Variants in RIMS1 observed in about 807,000 individuals in gnomAD.
The protein encoded by RIMS1 is regulating synaptic membrane exocytosis 1.
RIMS1 carries 83 observed loss-of-function variants against 214.1 expected under a neutral mutation model. That is an observed-to-expected ratio of 0.39 (90% CI 0.32 to 0.47). The LOEUF is 0.47. RIMS1 is among the 20% of genes least tolerant of loss of function. The probability of loss-of-function intolerance (pLI) is 0.99; values close to 1 mark genes in which losing one functional copy is unlikely to be tolerated. For missense variants in RIMS1, 2,050 were observed against 2,161.8 expected (o/e 0.95, Z 1.03); for synonymous variants, 793 against 786.8 (o/e 1.01, Z -0.13).
intron 1 of RIMS1, among the ~76,000 whole-genome samples, chr6:71,921,223 C>T (rs1330277575): frequency 2.0e-5 from 3 of 152,136 alleles, no homozygotes; most frequent in African/African-American, 7.2e-5. Context: ...CAGGTTCAAG[C>T]AATTCTCCTG....
At chr6:72,387,112 A>G (rs117720643) in intron 29 of RIMS1, among the ~76,000 whole-genome samples, 3,366 of 152,074 alleles carry the variant, frequency 0.022, 55 homozygotes, top group South Asian at 0.039. Flanking sequence ...ATCCATCCAT[A>G]TATCTCCAGC....
At chr6:72,306,126 A>T (rs775947980) in intron 26 of RIMS1, among the ~76,000 whole-genome samples, 1 of 152,122 alleles carries the variant, frequency 6.6e-6, no homozygotes, top group Non-Finnish European at 1.5e-5. Context: ...TAAGAGATAA[A>T]ATCAGCAGCC....
intron 4 of RIMS1, among the ~76,000 whole-genome samples, chr6:72,125,896 G>A (rs1434273275): frequency 2.0e-5 from 3 of 152,146 alleles, no homozygotes; most frequent in Non-Finnish European, 2.9e-5. Context: ...CATCTGTCAC[G>A]GCTTCCCTTG....
chr6:72,316,563 G>T, intron 28 of RIMS1: 1 of 395,562 alleles, frequency 2.5e-6, no homozygotes, highest in Non-Finnish European at 4.9e-6. Flanking sequence ...GGGATGGGAG[G>T]TGGAGGGAGG....
chr6:71,950,598 T>G (rs1789161844), intron 1 of RIMS1, among the ~76,000 whole-genome samples: 3 of 152,192 alleles, frequency 2.0e-5, no homozygotes, highest in Admixed American at 2.0e-4. Flanking sequence ...AGAACAACCT[T>G]TAGGAAACCT....
intron 4 of RIMS1, among the ~76,000 whole-genome samples, 176 bp downstream of exon 4, chr6:72,100,162 G>A (rs573978496): frequency 6.6e-6 from 1 of 152,118 alleles, no homozygotes; most frequent in East Asian, 1.9e-4. Flanking sequence ...TACAGAGTTT[G>A]ATATTAATAG....
intron 4 of RIMS1, among the ~76,000 whole-genome samples, chr6:72,109,883 G>C (rs1314943208): frequency 1.3e-5 from 2 of 152,026 alleles, no homozygotes; most frequent in Admixed American, 1.3e-4. Flanking sequence ...TTTGTATAAG[G>C]TGTAAGGAAG....
chr6:72,053,831 C>A (rs1017015294), intron 2 of RIMS1, among the ~76,000 whole-genome samples: 2 of 152,114 alleles, frequency 1.3e-5, no homozygotes, highest in South Asian at 2.1e-4. Context: ...TCTGTAAATA[C>A]AATCAAGCAG....
chr6:71,940,002 T>G (rs1693034425), intron 1 of RIMS1, among the ~76,000 whole-genome samples: 1 of 152,194 alleles, frequency 6.6e-6, no homozygotes, highest in South Asian at 2.1e-4. Context: ...TTTAATTTCC[T>G]TATCTGAATG....
At chr6:72,277,849 A>G (rs1240342331) in intron 23 of RIMS1, among the ~76,000 whole-genome samples, 1 of 152,160 alleles carries the variant, frequency 6.6e-6, no homozygotes, top group Non-Finnish European at 1.5e-5. Context: ...TTAAATGTAG[A>G]TTGAGTTGTA....
chr6:72,007,814 G>T (rs143379885), intron 2 of RIMS1, among the ~76,000 whole-genome samples: 2 of 152,158 alleles, frequency 1.3e-5, no homozygotes, highest in African/African-American at 4.8e-5. Context: ...CAAGAAATAC[G>T]GGACTATGTG....
chr6:72,028,097 T>G (rs1265650194), intron 2 of RIMS1, among the ~76,000 whole-genome samples: 1 of 152,166 alleles, frequency 6.6e-6, no homozygotes, highest in African/African-American at 2.4e-5. Flanking sequence ...AAACATATTC[T>G]GAATTCTGAC....
chr6:72,388,926 G>C (rs2098658288), intron 29 of RIMS1, among the ~76,000 whole-genome samples: 1 of 152,096 alleles, frequency 6.6e-6, no homozygotes, highest in African/African-American at 2.4e-5. Flanking sequence ...GAGCTACTAG[G>C]CAATTGGATT....
intron 1 of RIMS1, among the ~76,000 whole-genome samples, chr6:71,936,243 C>T (rs961228166): frequency 7.4e-6 from 1 of 135,686 alleles, no homozygotes; most frequent in Non-Finnish European, 1.5e-5. Context: ...AGGAGAATGG[C>T]GTGAACCCGG....
chr6:72,282,573 C>A (rs2090660972), intron 23 of RIMS1, among the ~76,000 whole-genome samples: 2 of 152,180 alleles, frequency 1.3e-5, no homozygotes, highest in Admixed American at 1.3e-4. Flanking sequence ...CTTCCACTCT[C>A]TTTGCTGTAT....
At position 72,252,919 on chromosome 6, in the gene RIMS1, A is replaced by C. The variant is rs1439255500; in HGVS notation, c.2770+87A>C. 4.7e-5 allele frequency: 43 copies of C among 912,764 alleles called. 1 individual carries two copies. In the Admixed American group the frequency reaches 9.0e-4, roughly 19 times the overall value. 56.5% of individuals were successfully genotyped at this position (912,764 alleles called of 1,614,324 possible). ...CTTCCGGACCTCTTTAGGATACTAAACTGAAGATTTATAGCACAGAGAAAT... is the reference window on the plus strand; with the variant it reads ...CTTCCGGACCTCTTTAGGATACTAACCTGAAGATTTATAGCACAGAGAAAT... On this transcript the variant is annotated intron_variant, in intron 16 of 33. Transcript: ENST00000521978.
chr6:71,997,908 C>T (rs1433950390), intron 2 of RIMS1, among the ~76,000 whole-genome samples: 2 of 151,992 alleles, frequency 1.3e-5, no homozygotes, highest in East Asian at 3.9e-4. Context: ...AATTAGCTTG[C>T]TCTTCTTAAA....
At chr6:72,293,257 T>C (rs1299262455) in intron 26 of RIMS1, among the ~76,000 whole-genome samples, 1 of 151,994 alleles carries the variant, frequency 6.6e-6, no homozygotes, top group Admixed American at 6.6e-5. Flanking sequence ...ATGGTATTCA[T>C]TTAGTGAATC....
chr6:72,027,445 T>C (rs916247890), intron 2 of RIMS1, among the ~76,000 whole-genome samples: 2 of 152,174 alleles, frequency 1.3e-5, no homozygotes, highest in Non-Finnish European at 2.9e-5. Flanking sequence ...CAGGTACTTC[T>C]TGGGAATGCC....
Sources: gnomAD v4.1 joint callset for allele counts (sites outside exome capture counted in the v4.1 genomes callset) on GRCh38, gnomAD v4.1.1 for gene constraint, MANE v1.5 for transcripts, NCBI Gene and HGNC (gene_info 2026-07-23, HGNC 2026-07-21) for gene names.